Variants in ZHX2 observed in about 807,000 individuals in gnomAD.
The protein encoded by ZHX2 is zinc fingers and homeoboxes protein 2.
A neutral mutation model predicts 21.9 loss-of-function variants in ZHX2; 6 were observed. The observed-to-expected ratio is 0.27, with a 90% CI of 0.15 to 0.54. The LOEUF (loss-of-function observed/expected upper bound fraction) is 0.54. Among genes scored for constraint, ZHX2 ranks in the 20% least tolerant of loss-of-function variants. The pLI, the probability that ZHX2 is intolerant of heterozygous loss-of-function variation, is 0.95. For synonymous variants in ZHX2, 434 were observed against 437.1 expected, an observed-to-expected ratio of 0.99 and a Z score of 0.09; for missense variants, 908 against 1,090.7, an observed-to-expected ratio of 0.83 and a Z score of 2.36.
chr8:122,953,144 A>G lies in ZHX2; in HGVS notation c.1634A>G (p.Glu545Gly). 6.2e-7 allele frequency: 1 copy of G among 1,613,816 alleles called. No individual in the cohort carries two copies. The highest frequency in any genetic ancestry group is 8.5e-7 in the Non-Finnish European group (1 of 1,180,012). ...EKTQGQVKIL[E>G]DSFLKSSFPT... ...ACACAGGGTCAGGTTAAAATCTTGG[A>G]AGACAGCTTTTTGAAAAGTTCTTTT... Residue 545 changes from glutamate to glycine, a missense_variant, in exon 3 of 4, where the codon GAA becomes GGA. Transcript: ENST00000314393. The surrounding 1 kb of genome is among the most constrained non-coding windows in gnomAD (Gnocchi z 4.6).
intron 3 of ZHX2, among the ~76,000 whole-genome samples, chr8:122,963,853 A>G (rs930222751): frequency 1.5e-5 from 2 of 134,038 alleles, no homozygotes; most frequent in African/African-American, 3.0e-5. Flanking sequence ...TTTGTTAGGT[A>G]TATTCCTAAG....
At chr8:122,840,477 T>G (rs7000190) in intron 1 of ZHX2, among the ~76,000 whole-genome samples, 2,499 of 152,338 alleles carry the variant, frequency 0.016, 69 homozygotes, top group African/African-American at 0.056. Flanking sequence ...AAAGGGCCGT[T>G]GTGAAGATTA....
At chr8:122,798,652 A>G (rs922492161) in intron 1 of ZHX2, among the ~76,000 whole-genome samples, 2 of 152,010 alleles carry the variant, frequency 1.3e-5, no homozygotes, top group Non-Finnish European at 2.9e-5. Context: ...GCGTGGTAGT[A>G]TGCACCTCTA....
At chr8:122,925,575 T>C (rs1820830187) in intron 2 of ZHX2, among the ~76,000 whole-genome samples, 2 of 152,026 alleles carry the variant, frequency 1.3e-5, no homozygotes, top group African/African-American at 4.8e-5. Flanking sequence ...CACACTCTTG[T>C]AGGAGGAGGG....
At chr8:122,811,531 C>G (rs1274617499) in intron 1 of ZHX2, among the ~76,000 whole-genome samples, 2 of 152,212 alleles carry the variant, frequency 1.3e-5, no homozygotes, top group African/African-American at 4.8e-5. Context: ...GAACTGGGAG[C>G]CTGGAAACCA....
At chr8:122,841,340 A>T (rs1169176542) in intron 1 of ZHX2, among the ~76,000 whole-genome samples, 5 of 152,206 alleles carry the variant, frequency 3.3e-5, no homozygotes, top group Non-Finnish European at 7.3e-5. Flanking sequence ...GTGGCGCATC[A>T]TAAGAATTCC....
chr8:122,937,852 G>T (rs1252284923), intron 2 of ZHX2, among the ~76,000 whole-genome samples: 1 of 151,514 alleles, frequency 6.6e-6, no homozygotes, highest in Non-Finnish European at 1.5e-5. Context: ...AAAGTGCTGG[G>T]ATTACAGGCA....
chr8:122,944,915 A>G (rs1192354465), intron 2 of ZHX2, among the ~76,000 whole-genome samples: 1 of 152,210 alleles, frequency 6.6e-6, no homozygotes, highest in African/African-American at 2.4e-5. Context: ...TGAGGTCATG[A>G]GGGTGGGCCC....
At chr8:122,909,276 A>G (rs1820419410) in intron 2 of ZHX2, among the ~76,000 whole-genome samples, 3 of 152,102 alleles carry the variant, frequency 2.0e-5, no homozygotes, top group Non-Finnish European at 2.9e-5. Context: ...TACTAAAAAT[A>G]CAAAAAATTA....
At chr8:122,810,755 G>C (rs970933743) in intron 1 of ZHX2, among the ~76,000 whole-genome samples, 4 of 151,922 alleles carry the variant, frequency 2.6e-5, no homozygotes, top group African/African-American at 9.7e-5. Context: ...AAGGAGTGTT[G>C]TATGTGAAAT....
intron 2 of ZHX2, among the ~76,000 whole-genome samples, chr8:122,912,779 A>T (rs1223959756): frequency 6.6e-6 from 1 of 152,202 alleles, no homozygotes; most frequent in Non-Finnish European, 1.5e-5. Context: ...CTCAGAATAC[A>T]CTGAGGGGCA....
intron 2 of ZHX2, among the ~76,000 whole-genome samples, chr8:122,948,047 A>G (rs1399401259): frequency 6.6e-6 from 1 of 152,090 alleles, no homozygotes; most frequent in East Asian, 1.9e-4. Context: ...ACCAGCCTAC[A>G]CATGCCAGTG....
intron 2 of ZHX2, among the ~76,000 whole-genome samples, chr8:122,931,302 T>C (rs1820987363): frequency 6.6e-6 from 1 of 151,864 alleles, no homozygotes; most frequent in African/African-American, 2.4e-5. Context: ...AGGGCCAGAG[T>C]TTGTGCGGTA....
At chr8:122,882,500 G>A (rs995532610) in intron 2 of ZHX2, among the ~76,000 whole-genome samples, 3 of 151,912 alleles carry the variant, frequency 2.0e-5, no homozygotes, top group Non-Finnish European at 1.5e-5. Flanking sequence ...GGACAATAAC[G>A]AAATATACAG....
chr8:122,958,480 AT>A (rs1287932328), intron 3 of ZHX2, among the ~76,000 whole-genome samples: 1 of 152,220 alleles, frequency 6.6e-6, no homozygotes, highest in Admixed American at 6.5e-5. Context: ...GAGGGTTCCC[AT>A]TAATTGACAC....
chr8:122,856,371 C>T (rs764598152), intron 1 of ZHX2, among the ~76,000 whole-genome samples: 3 of 152,108 alleles, frequency 2.0e-5, no homozygotes, highest in East Asian at 3.9e-4. Context: ...TCTGGGAGAC[C>T]GGTGTCCTCA....
At chr8:122,941,766 G>C (rs1164662943) in intron 2 of ZHX2, among the ~76,000 whole-genome samples, 1 of 152,130 alleles carries the variant, frequency 6.6e-6, no homozygotes, top group Admixed American at 6.5e-5. Flanking sequence ...GTGATGTCTT[G>C]ATTCCAAAGG....
intron 1 of ZHX2, among the ~76,000 whole-genome samples, chr8:122,847,493 A>G (rs1273092354): frequency 2.0e-5 from 3 of 152,172 alleles, no homozygotes; most frequent in East Asian, 1.9e-4. Flanking sequence ...TCCCTCCTCA[A>G]GGGTGGGTCT....
rs145695606 is a variant in ZHX2, at chr8:122,919,342, G to A, written c.-219-31950G>A. Among the ~76,000 whole-genome samples the A allele has an allele frequency of 6.7e-3, 1,021 of 152,340 alleles. 2 individuals are homozygous for A. Among genetic ancestry groups the A allele is most frequent in the Middle Eastern group, 0.027 (8 of 294 alleles). On this transcript the variant is annotated intron_variant, in intron 2 of 3. Coordinates refer to ENST00000314393, the MANE Select transcript of ZHX2 (RefSeq NM_014943.5). ...GACAGACAGTTTTGAAGATTTGTTTGATTGCAACGTCTGGGGAAGGGAGTG... is the reference window on the plus strand; with the variant it reads ...GACAGACAGTTTTGAAGATTTGTTTAATTGCAACGTCTGGGGAAGGGAGTG...
Sources: gnomAD v4.1 joint callset for allele counts (sites outside exome capture counted in the v4.1 genomes callset) on GRCh38, gnomAD v4.1.1 for gene constraint, Gnocchi (gnomAD v3.1) non-coding constraint, MANE v1.5 for transcripts, NCBI Gene and HGNC (gene_info 2026-07-23, HGNC 2026-07-21) for gene names.